Variants in FAM171A1 observed in about 807,000 individuals in gnomAD.
FAM171A1 encodes family with sequence similarity 171 member A1, also known as protein FAM171A1.
Under a neutral mutation model 74.9 loss-of-function variants are expected in FAM171A1, and 23 were observed. The ratio of observed to expected loss-of-function variants is 0.31; its 90% CI spans 0.22 to 0.44. FAM171A1 has a LOEUF of 0.44. FAM171A1 is among the 20% of genes least tolerant of loss of function. The pLI, the probability that FAM171A1 is intolerant of heterozygous loss-of-function variation, is 1.00. For synonymous variants in FAM171A1, 527 were observed against 505.7 expected (o/e 1.04, Z -0.57); for missense variants, 1,162 against 1,159.2 (o/e 1.00, Z -0.03).
chr10:15,246,811 C>T (rs1181304622), intron 5 of FAM171A1, among the ~76,000 whole-genome samples: 1 of 151,974 alleles, frequency 6.6e-6, no homozygotes, highest in African/African-American at 2.4e-5. Context: ...TGTGAGCCAC[C>T]GTGCCCAGCA....
chr10:15,339,335 T>C (rs1484423522), intron 1 of FAM171A1, among the ~76,000 whole-genome samples: 1 of 152,186 alleles, frequency 6.6e-6, no homozygotes, highest in African/African-American at 2.4e-5. Flanking sequence ...TAATTTTCAT[T>C]TTCTGTTCCA....
chr10:15,303,909 T>C (rs983499575), intron 1 of FAM171A1, among the ~76,000 whole-genome samples: 7 of 152,320 alleles, frequency 4.6e-5, no homozygotes, highest in African/African-American at 1.7e-4. Flanking sequence ...AGTCAAGTCC[T>C]AGGATGGCCC....
At chr10:15,237,223 G>A (rs1214266439) in intron 5 of FAM171A1, among the ~76,000 whole-genome samples, 1 of 152,098 alleles carries the variant, frequency 6.6e-6, no homozygotes, top group Non-Finnish European at 1.5e-5. Context: ...GATCACAAAA[G>A]CAGGCTATAC....
At chr10:15,246,497 T>C (rs750565415) in intron 5 of FAM171A1, among the ~76,000 whole-genome samples, 2 of 152,226 alleles carry the variant, frequency 1.3e-5, no homozygotes, top group South Asian at 2.1e-4. Context: ...CTAACAGTTT[T>C]AAATTCTGAA....
At chr10:15,347,923 C>G (rs1835835833) in intron 1 of FAM171A1, among the ~76,000 whole-genome samples, 1 of 151,452 alleles carries the variant, frequency 6.6e-6, no homozygotes, top group Non-Finnish European at 1.5e-5. Flanking sequence ...CAATGCTTGA[C>G]ATACTAAATC....
intron 3 of FAM171A1, among the ~76,000 whole-genome samples, chr10:15,260,781 T>C (rs1303510267): frequency 1.3e-5 from 2 of 152,174 alleles, no homozygotes; most frequent in South Asian, 2.1e-4. Context: ...GGGTGTCCCA[T>C]GCATTGCAGC....
At chr10:15,323,848 A>C (rs117817079) in intron 1 of FAM171A1, among the ~76,000 whole-genome samples, 1,558 of 148,294 alleles carry the variant, frequency 0.011, 35 homozygotes, top group Admixed American at 0.041. Context: ...TCAACAATTA[A>C]AAAAAAAAAA....
At chr10:15,220,377 C>T (rs1296571392) in intron 6 of FAM171A1, among the ~76,000 whole-genome samples, 1 of 152,080 alleles carries the variant, frequency 6.6e-6, no homozygotes, top group Non-Finnish European at 1.5e-5. Flanking sequence ...CAAAACTCAA[C>T]AATTCTAGAA....
At chr10:15,349,590 C>T (rs561796020) in intron 1 of FAM171A1, among the ~76,000 whole-genome samples, 16 of 152,240 alleles carry the variant, frequency 1.1e-4, no homozygotes, top group African/African-American at 3.9e-4. Context: ...GCTTTTCCCA[C>T]CAGGAAGTAA....
In FAM171A1 at chr10:15,248,756, T is replaced by C. The variant is rs1251273916; in HGVS notation, c.637A>G (p.Ser213Gly). 6.2e-7 allele frequency: 1 copy of C among 1,613,644 alleles called. No individual in the cohort carries two copies. ...VTAVSVHLLS[S>G]NGTPVLVDGP... The stretch of plus-strand genomic sequence containing the variant: ...TCCACCAGCACCGGCGTTCCATTAC[T>C]GCTCAGCAAGTGGACGCTGACGGCT... The change falls in exon 5 of 8, where the codon AGT (serine) becomes GGT (glycine). Residue 213 changes from serine to glycine, a missense_variant. Physicochemically the swap from Ser to Gly is moderately conservative, Grantham distance 56 (BLOSUM62 0). Coordinates refer to ENST00000378116, the MANE Select transcript of FAM171A1 (RefSeq NM_001010924.2).
intron 3 of FAM171A1, among the ~76,000 whole-genome samples, chr10:15,262,731 T>G (rs1479328308): frequency 6.6e-6 from 1 of 152,106 alleles, no homozygotes; most frequent in African/African-American, 2.4e-5. Context: ...CTTCAGTGAT[T>G]TTGAGAGCTG....
At chr10:15,236,653 A>T (rs11259567) in intron 5 of FAM171A1, among the ~76,000 whole-genome samples, 2 of 152,226 alleles carry the variant, frequency 1.3e-5, no homozygotes, top group African/African-American at 4.8e-5. Flanking sequence ...ATAATATTCT[A>T]CCTTCTAATT....
intron 2 of FAM171A1, among the ~76,000 whole-genome samples, chr10:15,277,858 G>T (rs975223136): frequency 6.6e-6 from 1 of 152,140 alleles, no homozygotes; most frequent in Non-Finnish European, 1.5e-5. Flanking sequence ...CCACGTTCAA[G>T]CTATCCTCCT....
chr10:15,230,380 G>T (rs905588100), intron 5 of FAM171A1, among the ~76,000 whole-genome samples: 1 of 152,156 alleles, frequency 6.6e-6, no homozygotes, highest in Non-Finnish European at 1.5e-5. Context: ...AATCATTCTT[G>T]TTGAAAGCAA....
intron 4 of FAM171A1, among the ~76,000 whole-genome samples, chr10:15,254,243 G>A (rs955864798): frequency 6.6e-6 from 1 of 152,100 alleles, no homozygotes; most frequent in African/African-American, 2.4e-5. Context: ...CTCTGAGTTG[G>A]ACCAAGCACC....
chr10:15,350,203 C>A (rs1835861608), intron 1 of FAM171A1, among the ~76,000 whole-genome samples: 1 of 152,178 alleles, frequency 6.6e-6, no homozygotes, highest in Non-Finnish European at 1.5e-5. Flanking sequence ...TTTTCGAATA[C>A]TTCATAAACT....
intron 6 of FAM171A1, among the ~76,000 whole-genome samples, chr10:15,218,381 CATT>C (rs1833994297): frequency 6.6e-6 from 1 of 152,104 alleles, no homozygotes; most frequent in Non-Finnish European, 1.5e-5. Flanking sequence ...GCCTGGCCAG[CATT>C]ATTGTTTTAA....
At chr10:15,231,341 C>T (rs1270308709) in intron 5 of FAM171A1, among the ~76,000 whole-genome samples, 2 of 151,978 alleles carry the variant, frequency 1.3e-5, no homozygotes, top group African/African-American at 2.4e-5. Context: ...GTAGCTAGGA[C>T]CACAGACACA....
chr10:15,290,159 C>T (rs7087379), intron 1 of FAM171A1, among the ~76,000 whole-genome samples: 33,647 of 151,552 alleles, frequency 0.22, 3,952 homozygotes, highest in Non-Finnish European at 0.28. Flanking sequence ...ACCCAGGAGG[C>T]AGAGGTTGCA....
Sources: allele counts gnomAD v4.1 joint callset (sites outside exome capture counted in the v4.1 genomes callset), GRCh38; gene constraint gnomAD v4.1.1; transcripts MANE v1.5; gene names NCBI Gene and HGNC (gene_info 2026-07-23, HGNC 2026-07-21).